SIK3: variants seen among roughly 807,000 people sequenced by gnomAD.
SIK3 encodes SIK family kinase 3.
A neutral mutation model predicts 144.2 loss-of-function variants in SIK3; 28 were observed. That is an observed-to-expected ratio of 0.19 (90% CI 0.14 to 0.27). SIK3 has a LOEUF of 0.27. Ranked by LOEUF, SIK3 falls within the 10% of genes least tolerant of loss-of-function variation. The probability of loss-of-function intolerance (pLI) is 1.00; values close to 1 mark genes in which losing one functional copy is unlikely to be tolerated. For missense variants in SIK3, 1,319 were observed against 1,776.0 expected, an observed-to-expected ratio of 0.74 and a Z score of 4.62; for synonymous variants, 686 against 676.3, an observed-to-expected ratio of 1.01 and a Z score of -0.22.
Position 117,098,372 on chromosome 11 carries a change from G to T in SIK3, c.44C>A (p.Ala15Asp). ...CGCGGGCCCGGCTCCCCCAGTCCCG[G>T]CCCCGGCAGCCCCGCCAGCTCCGCT... Reference protein sequence around the residue: ...AASGAGGAAGAGTGGAGPAGR... With the variant: ...AASGAGGAAGDGTGGAGPAGR... Residue 15 changes from alanine (A) to aspartate (D), a missense_variant, in exon 1 of 25, where the codon GCC becomes GAC. Physicochemically the swap from Ala to Asp is moderately radical, Grantham distance 126. Coordinates refer to ENST00000445177, the MANE Select transcript of SIK3 (RefSeq NM_001366686.3). The T allele has an allele frequency of 8.6e-7, 1 of 1,165,074 alleles. No individual in the cohort carries two copies. Among genetic ancestry groups the T allele is most frequent in the Non-Finnish European group, 1.1e-6 (1 of 947,518 alleles). 72.2% of individuals were successfully genotyped at this position (1,165,074 alleles called of 1,614,324 possible).
chr11:116,848,310 G>A (rs1942161558), intron 22 of SIK3, among the ~76,000 whole-genome samples: 2 of 152,138 alleles, frequency 1.3e-5, no homozygotes, highest in Non-Finnish European at 2.9e-5. Context: ...TTGCGCCACT[G>A]CACTCCAACC....
At position 117,013,905 on chromosome 11, in the gene SIK3, G is replaced by GTGTGTGTGTGTGTGTGTGTGTGTGTAT. The variant is rs1555127056; in HGVS notation, c.274-56842_274-56841insATACACACACACACACACACACACACA. 5.7e-4 allele frequency among the ~76,000 whole-genome samples: 27 copies of GTGTGTGTGTGTGTGTGTGTGTGTGTAT among 47,310 alleles called. 7 individuals carry two copies. Among genetic ancestry groups the GTGTGTGTGTGTGTGTGTGTGTGTGTAT allele is most frequent in the Non-Finnish European group, 8.9e-4 (18 of 20,162 alleles). The allele number at this position is 47,310 out of a possible 152,430, so 31.0% of individuals were successfully genotyped here. A position where few individuals can be genotyped will look rare whatever the true frequency, so the allele number is the denominator to read the frequency against. On this transcript the variant is annotated intron_variant, in intron 1 of 24. Transcript: ENST00000445177. ...TATAAGTCTCCAGATTCTGAGGGGGGGGGGGGGAGGGTGTGTGTGTGTGTG... is the reference window on the plus strand; with the variant it reads ...TATAAGTCTCCAGATTCTGAGGGGGGTGTGTGTGTGTGTGTGTGTGTGTGTATGGGGGGGAGGGTGTGTGTGTGTGTG...
chr11:116,954,892 C>T (rs560070756), intron 2 of SIK3, among the ~76,000 whole-genome samples: 14 of 152,280 alleles, frequency 9.2e-5, no homozygotes, highest in Non-Finnish European at 1.6e-4. Context: ...CTTTCTACAA[C>T]AGTGCTGTCC....
chr11:117,020,118 C>G (rs187757148), intron 1 of SIK3, among the ~76,000 whole-genome samples: 13 of 151,950 alleles, frequency 8.6e-5, no homozygotes, highest in East Asian at 3.9e-4. Context: ...CCAGATGAAA[C>G]TACACATTCA....
chr11:117,088,627 T>C (rs1287805804), intron 1 of SIK3, among the ~76,000 whole-genome samples: 2 of 152,212 alleles, frequency 1.3e-5, no homozygotes, highest in Non-Finnish European at 2.9e-5. Flanking sequence ...CATTAGATTA[T>C]CACACTGTGC....
intron 4 of SIK3, among the ~76,000 whole-genome samples, chr11:116,926,478 C>G (rs553878541): frequency 6.6e-6 from 1 of 152,272 alleles, no homozygotes; most frequent in Admixed American, 6.5e-5. Context: ...ATAAGCCACT[C>G]TAAGATCTAT....
intron 7 of SIK3, 90 bp from the exon 8 acceptor site, chr11:116,876,453 CCTCT>C: frequency 9.4e-7 from 1 of 1,064,304 alleles, no homozygotes; most frequent in Non-Finnish European, 1.4e-6. Flanking sequence ...TGTTCCATGC[CCTCT>C]GGCTTGGGAT....
At chr11:116,862,115 C>T (rs927111224) in intron 17 of SIK3, 87 bp downstream of exon 17, 13 of 1,586,790 alleles carry the variant, frequency 8.2e-6, no homozygotes, top group Non-Finnish European at 1.1e-5. Flanking sequence ...CCACTTTGCA[C>T]TGAGTGGTCT....
intron 4 of SIK3, among the ~76,000 whole-genome samples, chr11:116,903,040 TTCTG>T (rs1252504713): frequency 1.3e-5 from 2 of 152,238 alleles, no homozygotes; most frequent in Non-Finnish European, 2.9e-5. Context: ...TAAGTTAAAA[TTCTG>T]TCTAATTTGC....
intron 1 of SIK3, among the ~76,000 whole-genome samples, chr11:117,067,238 C>T (rs1268361949): frequency 6.6e-6 from 1 of 152,120 alleles, no homozygotes; most frequent in East Asian, 1.9e-4. Flanking sequence ...AAGTTCATAA[C>T]AGCCTTATTC....
At chr11:116,862,563 T>C (rs1943405606) in intron 16 of SIK3, among the ~76,000 whole-genome samples, 1 of 152,236 alleles carries the variant, frequency 6.6e-6, no homozygotes, top group African/African-American at 2.4e-5. Flanking sequence ...TGAGTACAAG[T>C]GTCCAATGTG....
At chr11:116,966,687 GT>G (rs113224863) in intron 1 of SIK3, among the ~76,000 whole-genome samples, 47,993 of 151,768 alleles carry the variant, frequency 0.32, 8,675 homozygotes, top group African/African-American at 0.5. Context: ...TAAAAAAGTA[GT>G]TTATTTCCAA....
chr11:117,075,636 G>C (rs1172395063), intron 1 of SIK3, among the ~76,000 whole-genome samples: 1 of 150,130 alleles, frequency 6.7e-6, no homozygotes, highest in African/African-American at 2.4e-5. Context: ...CCGCCTCCCA[G>C]GTTCACGCCA....
intron 1 of SIK3, among the ~76,000 whole-genome samples, chr11:116,987,432 A>G (rs1264130592): frequency 6.6e-6 from 1 of 152,120 alleles, no homozygotes; most frequent in Non-Finnish European, 1.5e-5. Context: ...CCTTCAATCC[A>G]GCAGAAATAA....
At chr11:116,888,602 A>G (rs768454283) in intron 6 of SIK3, among the ~76,000 whole-genome samples, 1 of 152,252 alleles carries the variant, frequency 6.6e-6, no homozygotes, top group Non-Finnish European at 1.5e-5. Context: ...ACATTCAGCA[A>G]TGCCAAGCAC....
intron 4 of SIK3, among the ~76,000 whole-genome samples, chr11:116,900,865 A>ATT (rs111403613): frequency 4.1e-5 from 6 of 145,588 alleles, no homozygotes; most frequent in Admixed American, 1.4e-4. Flanking sequence ...TATATTATTT[A>ATT]TTTTTTTTTT....
intron 1 of SIK3, among the ~76,000 whole-genome samples, chr11:117,058,826 T>C (rs1157457882): frequency 1.3e-5 from 2 of 152,176 alleles, no homozygotes; most frequent in East Asian, 3.9e-4. Flanking sequence ...ATGAAATCAT[T>C]TCTTCAGGCC....
intron 14 of SIK3, chr11:116,869,774 A>G (rs1279815041): frequency 4.0e-6 from 1 of 252,380 alleles, no homozygotes; most frequent in Admixed American, 5.0e-5. Flanking sequence ...ATCTCTCAAC[A>G]AGGTTCTGTA....
intron 1 of SIK3, among the ~76,000 whole-genome samples, chr11:117,089,234 C>T (rs571481353): frequency 3.3e-5 from 5 of 151,888 alleles, no homozygotes; most frequent in South Asian, 2.1e-4. Context: ...GGTGAAACGC[C>T]GTCTCTACTA....
Sources: allele counts gnomAD v4.1 joint callset (sites outside exome capture counted in the v4.1 genomes callset), GRCh38; gene constraint gnomAD v4.1.1; transcripts MANE v1.5; gene names NCBI Gene and HGNC (gene_info 2026-07-23, HGNC 2026-07-21).